MKLN1: variants seen among roughly 807,000 people sequenced by gnomAD.
MKLN1 encodes the protein muskelin 1.
Under a neutral mutation model 99.0 loss-of-function variants are expected in MKLN1, and 18 were observed. That is an observed-to-expected ratio of 0.18 (90% CI 0.13 to 0.27). MKLN1 has a LOEUF of 0.27. Among genes scored for constraint, MKLN1 ranks in the 10% least tolerant of loss-of-function variants. The probability of loss-of-function intolerance (pLI) is 1.00; values close to 1 mark genes in which losing one functional copy is unlikely to be tolerated. For missense variants in MKLN1, 621 were observed against 875.9 expected (o/e 0.71, Z 3.67); for synonymous variants, 288 against 293.2 (o/e 0.98, Z 0.18).
intron 2 of MKLN1, among the ~76,000 whole-genome samples, chr7:131,184,070 T>C (rs1305008403): frequency 6.6e-6 from 1 of 152,044 alleles, no homozygotes; most frequent in Admixed American, 6.6e-5. Context: ...ACACATTTGT[T>C]CTCTACTCAG....
At chr7:131,419,892 A>G (rs913488876) in intron 8 of MKLN1, among the ~76,000 whole-genome samples, 1 of 152,204 alleles carries the variant, frequency 6.6e-6, no homozygotes, top group African/African-American at 2.4e-5. Flanking sequence ...GTGGGAAGCC[A>G]TTGTTGGGTT....
chr7:131,163,104 ACT>A (rs1796079005), intron 2 of MKLN1, among the ~76,000 whole-genome samples: 1 of 152,120 alleles, frequency 6.6e-6, no homozygotes, highest in African/African-American at 2.4e-5. Flanking sequence ...CTTAAGCGCA[ACT>A]CTGTCTCCAA....
At chr7:131,438,370 A>G (rs1175371716) in intron 10 of MKLN1, among the ~76,000 whole-genome samples, 1 of 151,622 alleles carries the variant, frequency 6.6e-6, no homozygotes, top group Non-Finnish European at 1.5e-5. Flanking sequence ...AAATCACTTT[A>G]TAATGAACTA....
At chr7:131,418,561 C>T (rs1169201269) in intron 8 of MKLN1, among the ~76,000 whole-genome samples, 1 of 152,104 alleles carries the variant, frequency 6.6e-6, no homozygotes, top group African/African-American at 2.4e-5. Flanking sequence ...TTGTCTTGGG[C>T]CACATTGAAA....
At position 131,115,900 on chromosome 7, in the gene MKLN1, T is replaced by C. The variant is rs191518689; in HGVS notation, c.-419+5693T>C. ...ACGTTTCCAACCATCCTAGATATAT[T>C]TTTTTCATAGTAATGGAACTTTATT... On this transcript the variant is annotated intron_variant, in intron 1 of 7. Coordinates refer to the MKLN1 transcript ENST00000416992. Among the ~76,000 whole-genome samples, 81 of 152,314 alleles carry C rather than the reference T, an allele frequency of 5.3e-4. 1 individual carries two copies. Among genetic ancestry groups the C allele is most frequent in the Non-Finnish European group, 1.0e-3 (70 of 68,024 alleles).
intron 3 of MKLN1, among the ~76,000 whole-genome samples, chr7:131,280,649 AT>A (rs138186803): frequency 0.46 from 67,259 of 147,462 alleles, 17,992 homozygotes; most frequent in Admixed American, 0.62. Context: ...TTTTCTTTTA[AT>A]TTTTTTTTTC....
intron 3 of MKLN1, among the ~76,000 whole-genome samples, chr7:131,247,306 C>T (rs374313689): frequency 1.3e-5 from 2 of 149,636 alleles, no homozygotes; most frequent in South Asian, 2.1e-4. Context: ...CTCTGCCTTC[C>T]GGGTTGAAGC....
At position 131,160,625 on chromosome 7, in the gene MKLN1, T is replaced by G. The variant is rs559334056; in HGVS notation, c.-297+17684T>G. On this transcript the variant is annotated intron_variant, in intron 2 of 7. Coordinates refer to the MKLN1 transcript ENST00000416992. ...CCTCTGCCTCCCAGGCTTAGCCTATTCTCCCACCTCAGCCTCCTGAGTAGC... is the reference window on the plus strand; with the variant it reads ...CCTCTGCCTCCCAGGCTTAGCCTATGCTCCCACCTCAGCCTCCTGAGTAGC... 2.7e-5 allele frequency among the ~76,000 whole-genome samples: 4 copies of G among 150,384 alleles called. No homozygotes were observed. In the South Asian group the frequency reaches 8.4e-4, roughly 32 times the overall value.
At position 131,472,002 on chromosome 7, in the gene MKLN1, A is replaced by C. The variant is rs1329106818; in HGVS notation, c.2031+1058A>C. 3 of 152,376 alleles carry C rather than the reference A, an allele frequency of 2.0e-5. No individual in the cohort carries two copies. In the East Asian group the frequency reaches 5.8e-4, roughly 29 times the overall value. The allele number at this position is 152,376 out of a possible 1,614,324, so 9.4% of individuals were successfully genotyped here. Reference sequence around the variant, plus strand: ...TCAGTAGGTAGAGAATCTGCAGGACATGCTTTAGAACCCCCATGAAGGGGG... The same window carrying C: ...TCAGTAGGTAGAGAATCTGCAGGACCTGCTTTAGAACCCCCATGAAGGGGG... On this transcript the variant is annotated intron_variant, in intron 16 of 17. Coordinates refer to ENST00000352689, the MANE Select transcript of MKLN1 (RefSeq NM_013255.5).
chr7:131,186,635 A>T (rs1175729904), intron 2 of MKLN1, among the ~76,000 whole-genome samples: 1 of 152,166 alleles, frequency 6.6e-6, no homozygotes, highest in East Asian at 1.9e-4. Flanking sequence ...TCACTGTTTT[A>T]TTTACTTTGC....
At chr7:131,404,862 G>A (rs1794654294) in intron 6 of MKLN1, among the ~76,000 whole-genome samples, 1 of 152,112 alleles carries the variant, frequency 6.6e-6, no homozygotes, top group African/African-American at 2.4e-5. Flanking sequence ...CTCCCAAAGT[G>A]CTAGAATTAC....
intron 3 of MKLN1, among the ~76,000 whole-genome samples, chr7:131,322,557 C>CTTTTTT (rs574246814): frequency 5.3e-5 from 5 of 95,096 alleles, no homozygotes; most frequent in African/African-American, 1.1e-4. Context: ...CTGCCAAACA[C>CTTTTTT]TTTTTTTTTT....
At chr7:131,111,737 A>C (rs981661974) in intron 1 of MKLN1, among the ~76,000 whole-genome samples, 7 of 150,854 alleles carry the variant, frequency 4.6e-5, no homozygotes, top group African/African-American at 1.7e-4. Context: ...TCGAGTAAAG[A>C]GTAGATTTAA....
chr7:131,369,952 T>C (rs955237877), intron 1 of MKLN1, among the ~76,000 whole-genome samples: 3 of 152,200 alleles, frequency 2.0e-5, no homozygotes, highest in African/African-American at 7.2e-5. Flanking sequence ...TTCTCCTGCC[T>C]CAGCCTCCCA....
At chr7:131,218,738 A>G (rs987080028) in intron 3 of MKLN1, among the ~76,000 whole-genome samples, 1 of 152,230 alleles carries the variant, frequency 6.6e-6, no homozygotes, top group African/African-American at 2.4e-5. Flanking sequence ...GAAATAAGCC[A>G]GTCACAACAA....
At chr7:131,218,683 A>G (rs1797019159) in intron 3 of MKLN1, among the ~76,000 whole-genome samples, 1 of 152,206 alleles carries the variant, frequency 6.6e-6, no homozygotes, top group Admixed American at 6.5e-5. Flanking sequence ...GGAAATTCTG[A>G]CACAGGCTAC....
intron 3 of MKLN1, among the ~76,000 whole-genome samples, chr7:131,309,191 G>A (rs905246869): frequency 6.6e-6 from 1 of 152,174 alleles, no homozygotes; most frequent in Non-Finnish European, 1.5e-5. Context: ...ATGTACCGAG[G>A]AGTTCTGAGG....
intron 7 of MKLN1, among the ~76,000 whole-genome samples, chr7:131,413,700 C>T (rs989476800): frequency 9.9e-5 from 15 of 151,988 alleles, no homozygotes; most frequent in East Asian, 1.9e-4. Context: ...CCACCATGCC[C>T]GGCTAATTTT....
chr7:131,383,933 C>G (rs1352129337), intron 2 of MKLN1, among the ~76,000 whole-genome samples: 1 of 152,180 alleles, frequency 6.6e-6, no homozygotes. Flanking sequence ...CTCTGTAATG[C>G]ACATTGTGTG....
Sources: gnomAD v4.1 joint callset for allele counts (sites outside exome capture counted in the v4.1 genomes callset) on GRCh38, gnomAD v4.1.1 for gene constraint, MANE v1.5 for transcripts, NCBI Gene and HGNC (gene_info 2026-07-23, HGNC 2026-07-21) for gene names.